FNDC3B: variants seen among roughly 807,000 people sequenced by gnomAD.
FNDC3B encodes fibronectin type III domain-containing protein 3B.
A neutral mutation model predicts 151.5 loss-of-function variants in FNDC3B; 12 were observed. The observed-to-expected ratio is 0.08, with a 90% CI of 0.05 to 0.13. The LOEUF (loss-of-function observed/expected upper bound fraction) is 0.13. Among genes scored for constraint, FNDC3B ranks in the 10% least tolerant of loss-of-function variants. The pLI, the probability that FNDC3B is intolerant of heterozygous loss-of-function variation, is 1.00. For missense variants in FNDC3B, 1,214 were observed against 1,505.3 expected (o/e 0.81, Z 3.20); for synonymous variants, 528 against 549.0 (o/e 0.96, Z 0.54).
chr3:172,310,074 A>G, intron 10 of FNDC3B, among the ~76,000 whole-genome samples: 1 of 152,108 alleles, frequency 6.6e-6, no homozygotes, highest in Non-Finnish European at 1.5e-5. Context: ...TTGTAGTTCC[A>G]CTGTCTCTCT....
intron 25 of FNDC3B, among the ~76,000 whole-genome samples, chr3:172,394,767 C>T (rs1358587095): frequency 2.6e-5 from 4 of 152,068 alleles, no homozygotes; most frequent in African/African-American, 4.8e-5. Flanking sequence ...CAAAGGCAGG[C>T]AAGGCCATTA....
intron 1 of FNDC3B, among the ~76,000 whole-genome samples, chr3:172,069,694 C>T (rs1717673723): frequency 6.6e-6 from 1 of 152,184 alleles, no homozygotes; most frequent in African/African-American, 2.4e-5. Context: ...CTTGTTTCAG[C>T]TTCACTGGGA....
At chr3:172,185,977 A>G (rs999690736) in intron 3 of FNDC3B, among the ~76,000 whole-genome samples, 5 of 152,234 alleles carry the variant, frequency 3.3e-5, no homozygotes, top group Admixed American at 2.0e-4. Context: ...TAGAAACCAG[A>G]TAATAAAAAG....
Position 172,375,660 on chromosome 3 carries a change from G to C in FNDC3B, c.3009-2610G>C, listed in dbSNP as rs890411837. Among the ~76,000 whole-genome samples the C allele has an allele frequency of 3.8e-3, 576 of 152,326 alleles. 1 individual carries two copies. Among genetic ancestry groups the C allele is most frequent in the African/African-American group, 0.013 (546 of 41,570 alleles). On this transcript the variant is annotated intron_variant, in intron 23 of 25. Transcript: ENST00000415807. ...TGGGGAAGGCAGGCCAGTCAAAGCA[G>C]TGATGGCTTTGATCAGAGCAACGAG...
intron 3 of FNDC3B, among the ~76,000 whole-genome samples, chr3:172,149,835 T>G (rs1250443622): frequency 1.3e-5 from 1 of 75,540 alleles, no homozygotes; most frequent in Admixed American, 1.8e-4. Flanking sequence ...TTTTTTTTTT[T>G]TGAGACAGAG....
intron 7 of FNDC3B, among the ~76,000 whole-genome samples, chr3:172,292,034 G>A (rs555330860): frequency 1.4e-4 from 21 of 152,320 alleles, no homozygotes; most frequent in Non-Finnish European, 2.4e-4. Flanking sequence ...TCTCTTGAAA[G>A]ACAGCATGTC....
intron 16 of FNDC3B, among the ~76,000 whole-genome samples, chr3:172,340,456 T>G (rs1261883583): frequency 1.3e-5 from 2 of 152,090 alleles, no homozygotes; most frequent in African/African-American, 4.8e-5. Context: ...CAGCTAATTT[T>G]TGTATTTTTA....
chr3:172,197,178 C>G (rs1259373841), intron 3 of FNDC3B, among the ~76,000 whole-genome samples: 1 of 151,508 alleles, frequency 6.6e-6, no homozygotes, highest in Non-Finnish European at 1.5e-5. Context: ...GAGACTCTGT[C>G]TCAAAATAAA....
At chr3:172,174,933 A>AC (rs1269639185) in intron 3 of FNDC3B, among the ~76,000 whole-genome samples, 819 of 18,312 alleles carry the variant, frequency 0.045, 61 homozygotes, top group African/African-American at 0.058. Flanking sequence ...TCCCCCCGCC[A>AC]CCCCCCCCCC....
intron 3 of FNDC3B, among the ~76,000 whole-genome samples, chr3:172,173,223 G>A (rs1349838410): frequency 6.6e-6 from 1 of 152,160 alleles, no homozygotes; most frequent in Non-Finnish European, 1.5e-5. Flanking sequence ...TCCCTTTTCT[G>A]CTTGTCATAA....
At chr3:172,377,789 A>G (rs147545312) in intron 23 of FNDC3B, among the ~76,000 whole-genome samples, 98 of 152,306 alleles carry the variant, frequency 6.4e-4, no homozygotes, top group Middle Eastern at 3.4e-3. Flanking sequence ...AGCTCTTGGT[A>G]AGATCGATAA....
Position 172,152,730 on chromosome 3 carries a change from A to G in FNDC3B, c.187+19184A>G, listed in dbSNP as rs1559990968. On this transcript the variant is annotated intron_variant, in intron 3 of 25. Coordinates refer to ENST00000415807, the MANE Select transcript of FNDC3B (RefSeq NM_022763.4). ...AAATCACACTTCTTCTTTTCACGGG[A>G]CCCCTGTTTGAAATTTGCAACAAAT... Among the ~76,000 whole-genome samples, 3 of 151,158 alleles carry G rather than the reference A, an allele frequency of 2.0e-5. No homozygotes were observed. The East Asian group carries it at 5.8e-4, about 29-fold the overall frequency.
rs189373484 is a variant in FNDC3B, at chr3:172,131,374, C to T, written c.112-2097C>T. 2.4e-3 allele frequency among the ~76,000 whole-genome samples: 342 copies of T among 145,022 alleles called. 2 individuals carry two copies. The highest frequency in any genetic ancestry group is 4.2e-3 in the Non-Finnish European group (280 of 66,670). On this transcript the variant is annotated intron_variant, in intron 2 of 25. Coordinates refer to ENST00000415807, the MANE Select transcript of FNDC3B (RefSeq NM_022763.4). ...CGCCATTGCACTCCATCCTGGGCAA[C>T]AAGAGCGAAACTCCGTCTCAAGAAA... is the stretch of plus-strand genomic sequence containing the variant.
chr3:172,105,660 C>A (rs1312499866), intron 1 of FNDC3B, among the ~76,000 whole-genome samples: 1 of 150,296 alleles, frequency 6.7e-6, no homozygotes, highest in African/African-American at 2.5e-5. Context: ...GCCATGTTGC[C>A]CACACGGGCC....
At chr3:172,179,639 C>G (rs766017235) in intron 3 of FNDC3B, among the ~76,000 whole-genome samples, 71 of 151,010 alleles carry the variant, frequency 4.7e-4, no homozygotes, top group African/African-American at 1.6e-3. Context: ...TCCAATACTT[C>G]GATAAGTTAA....
intron 1 of FNDC3B, among the ~76,000 whole-genome samples, chr3:172,090,608 C>A (rs1718773957): frequency 6.6e-6 from 1 of 152,052 alleles, no homozygotes; most frequent in African/African-American, 2.4e-5. Context: ...TGAAATGGCA[C>A]CCTTTCAGTT....
intron 6 of FNDC3B, among the ~76,000 whole-genome samples, chr3:172,285,308 G>A: frequency 6.6e-6 from 1 of 152,136 alleles, no homozygotes; most frequent in East Asian, 1.9e-4. Flanking sequence ...CTGGGCCACT[G>A]CAGCAATCCA....
intron 1 of FNDC3B, among the ~76,000 whole-genome samples, chr3:172,080,579 G>A (rs1260093863): frequency 6.6e-6 from 1 of 152,050 alleles, no homozygotes; most frequent in Non-Finnish European, 1.5e-5. Flanking sequence ...TACTAGGCCT[G>A]AATCGTTGAA....
At chr3:172,178,527 A>G (rs1469384581) in intron 3 of FNDC3B, among the ~76,000 whole-genome samples, 3 of 152,206 alleles carry the variant, frequency 2.0e-5, no homozygotes, top group Non-Finnish European at 4.4e-5. Flanking sequence ...ATATTGTAAG[A>G]CACTCAGACT....
Sources: gnomAD v4.1 joint callset for allele counts (sites outside exome capture counted in the v4.1 genomes callset) on GRCh38, gnomAD v4.1.1 for gene constraint, MANE v1.5 for transcripts, NCBI Gene and HGNC (gene_info 2026-07-23, HGNC 2026-07-21) for gene names.